Variants in ZNF157 observed in about 807,000 individuals in gnomAD.
ZNF157 encodes zinc finger protein 157.
A neutral mutation model predicts 9.4 loss-of-function variants in ZNF157; 8 were observed. That is an observed-to-expected ratio of 0.85 (90% CI 0.50 to 1.53). The LOEUF (loss-of-function observed/expected upper bound fraction) is 1.53. Among genes scored for constraint, ZNF157 ranks in the 40% most tolerant of loss-of-function variants. The probability of loss-of-function intolerance (pLI) is 0.00; values close to 1 mark genes in which losing one functional copy is unlikely to be tolerated. For synonymous variants in ZNF157, 120 were observed against 130.8 expected (o/e 0.92, Z 0.56); for missense variants, 316 against 385.2 (o/e 0.82, Z 1.50).
At chrX:47,384,672 C>G (rs778074897) in intron 1 of ZNF157, among the ~76,000 whole-genome samples, 31 of 112,553 alleles carry the variant, frequency 2.8e-4, no homozygotes, top group Non-Finnish European at 4.7e-4. Flanking sequence ...CTTTGTGGAG[C>G]AGAGACCGGC....
chrX:47,408,027 C>T (rs1327989883), intron 1 of ZNF157, among the ~76,000 whole-genome samples: 1 of 111,406 alleles, frequency 9.0e-6, no homozygotes, highest in Non-Finnish European at 1.9e-5. Flanking sequence ...GCAGGCTGTA[C>T]AAAAAGCATA....
At chrX:47,375,544 A>G (rs979923654) in intron 1 of ZNF157, among the ~76,000 whole-genome samples, 7 of 111,158 alleles carry the variant, frequency 6.3e-5, no homozygotes, top group Admixed American at 3.9e-4. Flanking sequence ...TGTTGTACAT[A>G]GGGGTTTTGG....
intron 3 of ZNF157, 68 bp from the exon 4 acceptor site, chrX:47,412,301 A>T: frequency 2.2e-6 from 2 of 928,751 alleles, no homozygotes; most frequent in Non-Finnish European, 3.0e-6. Flanking sequence ...TTAATTTTAT[A>T]CTGTGACAAG....
At chrX:47,402,200 G>A (rs1346763111) in intron 1 of ZNF157, among the ~76,000 whole-genome samples, 2 of 111,531 alleles carry the variant, frequency 1.8e-5, no homozygotes, top group Non-Finnish European at 3.8e-5. Context: ...TTTATTGATT[G>A]TGATCAATGT....
intron 1 of ZNF157, chrX:47,391,237 A>G (rs748354425): frequency 2.7e-5 from 3 of 112,025 alleles, no homozygotes; most frequent in Non-Finnish European, 5.6e-5. Flanking sequence ...CCAAAGTGTT[A>G]CAAGTGTTAC....
intron 3 of ZNF157, among the ~76,000 whole-genome samples, chrX:47,411,262 T>C (rs1242953531): frequency 9.0e-6 from 1 of 110,975 alleles, no homozygotes; most frequent in Non-Finnish European, 1.9e-5. Flanking sequence ...GTGCTGGGAT[T>C]ACAGGTGTGA....
intron 3 of ZNF157, 60 bp downstream of exon 3, chrX:47,410,835 C>A: frequency 1.0e-6 from 1 of 960,120 alleles, no homozygotes; most frequent in African/African-American, 1.9e-5. Flanking sequence ...CCCAGGAATT[C>A]AGGTCAAAGG....
At chrX:47,389,496 G>A (rs772184305) in intron 1 of ZNF157, among the ~76,000 whole-genome samples, 12 of 111,299 alleles carry the variant, frequency 1.1e-4, no homozygotes, top group Admixed American at 2.9e-4. Flanking sequence ...GACTACAGGC[G>A]CACGTCGCCA....
Position 47,405,729 on chromosome X carries a change from C to T in ZNF157, c.73-4547C>T, listed in dbSNP as rs537263473. Among the ~76,000 whole-genome samples, 11 of 111,558 alleles carry T rather than the reference C, an allele frequency of 9.9e-5. No homozygotes were observed. The South Asian group carries it at 3.0e-3, about 30-fold the overall frequency. On this transcript the variant is annotated intron_variant, in intron 1 of 3. Transcript: ENST00000377073. ...TTATTACTCACCTAAACATTGCTGA[C>T]CCATCAATAGAACAGCCCAGCCAGA...
In ZNF157 at chrX:47,412,894, A is replaced by T; in HGVS notation, c.821A>T (p.Tyr274Phe). The change falls in exon 4 of 4, where the codon TAT becomes TTT. Residue 274 changes from tyrosine (Y) to phenylalanine (F), a missense_variant. Transcript: ENST00000377073. ...HQRTHTGEKP[Y>F]ECSECGKTFR... ...AGAACTCACACAGGGGAGAAACCCT[A>T]TGAATGTAGTGAATGTGGGAAAACA... The T allele has an allele frequency of 1.7e-6, 2 of 1,212,010 alleles. No individual in the cohort carries two copies. Among genetic ancestry groups the T allele is most frequent in the Non-Finnish European group, 2.2e-6 (2 of 895,506 alleles).
At chrX:47,407,761 C>T (rs1366908419) in intron 1 of ZNF157, among the ~76,000 whole-genome samples, 2 of 109,871 alleles carry the variant, frequency 1.8e-5, no homozygotes, top group Non-Finnish European at 3.8e-5. Context: ...AAGCAATTCT[C>T]CTGCCTCAGC....
chrX:47,393,631 G>A (rs188021189), intron 1 of ZNF157, among the ~76,000 whole-genome samples: 6 of 109,908 alleles, frequency 5.5e-5, no homozygotes, highest in African/African-American at 1.7e-4. Context: ...CATGATCACC[G>A]TTCACTGCAG....
At chrX:47,384,976 C>T (rs1232351792) in intron 1 of ZNF157, among the ~76,000 whole-genome samples, 1 of 111,242 alleles carries the variant, frequency 9.0e-6, no homozygotes, top group African/African-American at 3.3e-5. Context: ...CTCCTTTCCG[C>T]CGGGACTGAT....
intron 1 of ZNF157, among the ~76,000 whole-genome samples, chrX:47,407,691 C>CT (rs1311996679): frequency 9.0e-6 from 1 of 110,646 alleles, no homozygotes; most frequent in African/African-American, 3.3e-5. Context: ...GTTTTCTTTT[C>CT]TTTTTTTCTT....
chrX:47,372,385 T>C (rs1488330804), intron 1 of ZNF157, among the ~76,000 whole-genome samples: 1 of 110,490 alleles, frequency 9.1e-6, no homozygotes, highest in Non-Finnish European at 1.9e-5. Context: ...GCCGAACACA[T>C]GGGGGTTCCT....
Position 47,410,775 on chromosome X carries a change from G to C in ZNF157, c.295G>C (p.Gly99Arg), listed in dbSNP as rs2147415499. The change falls in exon 3 of 4, where the codon GGA becomes CGA. Residue 99 changes from glycine to arginine, a missense_variant and splice_region_variant. Physicochemically the swap from Gly to Arg is moderately radical, Grantham distance 125. Transcript: ENST00000377073. ...GGAATCCTCAGGCCATGGTTACTCA[G>C]GTAAGTACTGGGCAAGAACTGGACA... Reference protein sequence around the residue: ...EEESSGHGYSGSLSLLCGNGS... With the variant: ...EEESSGHGYSRSLSLLCGNGS... 8.4e-7 allele frequency: 1 copy of C among 1,191,519 alleles called. No homozygotes were observed. The highest frequency in any genetic ancestry group is 3.0e-5 in the East Asian group (1 of 33,440).
At chrX:47,408,707 C>T (rs1289316994) in intron 1 of ZNF157, among the ~76,000 whole-genome samples, 14 of 111,930 alleles carry the variant, frequency 1.3e-4, no homozygotes, top group African/African-American at 4.2e-4. Context: ...TGAGCCACTG[C>T]GCCCGGACAG....
At chrX:47,384,035 C>T (rs1023430778) in intron 1 of ZNF157, among the ~76,000 whole-genome samples, 6 of 108,807 alleles carry the variant, frequency 5.5e-5, no homozygotes, top group African/African-American at 1.7e-4. Flanking sequence ...TTTGGGAGGC[C>T]GAGGCGGGTG....
In ZNF157 at chrX:47,412,967, G is replaced by A. The variant is rs753239777; in HGVS notation, c.894G>A (p.Gly298=). The A allele has an allele frequency of 1.7e-6, 2 of 1,208,792 alleles. No homozygotes were observed. Among genetic ancestry groups the A allele is most frequent in the Non-Finnish European group, 1.1e-6 (1 of 894,580 alleles). ...SLTQHHRTHT[G]EKPYECGECG... ...CCCAACACCACAGAACTCATACAGG[G>A]GAGAAACCTTATGAATGTGGGGAGT... Residue 298 remains glycine (G), a synonymous_variant, in exon 4 of 4, where the codon GGG becomes GGA. Coordinates refer to ENST00000377073, the MANE Select transcript of ZNF157 (RefSeq NM_003446.4).
Sources: gnomAD v4.1 joint callset for allele counts (sites outside exome capture counted in the v4.1 genomes callset) on GRCh38, gnomAD v4.1.1 for gene constraint, MANE v1.5 for transcripts, NCBI Gene and HGNC (gene_info 2026-07-23, HGNC 2026-07-21) for gene names.